Variants in CDH2 observed in about 807,000 individuals in gnomAD.
The protein encoded by CDH2 is cadherin 2.
A neutral mutation model predicts 92.0 loss-of-function variants in CDH2; 17 were observed. The observed-to-expected ratio is 0.18, with a 90% CI of 0.13 to 0.28. The LOEUF (loss-of-function observed/expected upper bound fraction) is 0.28, where lower values mean the gene tolerates loss of function less well. CDH2 is among the 10% of genes least tolerant of loss of function. CDH2 has a pLI of 1.00. For missense variants in CDH2, 862 were observed against 1,133.1 expected (o/e 0.76, Z 3.44); for synonymous variants, 419 against 415.9 (o/e 1.01, Z -0.09).
chr18:27,937,494 TTATGACATTAGGC>T (rs1419178316), intron 6 of CDH2, among the ~76,000 whole-genome samples: 1 of 152,236 alleles, frequency 6.6e-6, no homozygotes. Flanking sequence ...ATTGTTATTG[TTATGACATTAGGC>T]TAATTTATCC....
intron 6 of CDH2, 117 bp downstream of exon 6, chr18:28,005,732 A>C (rs2012897206): frequency 4.6e-6 from 3 of 653,944 alleles, no homozygotes; most frequent in Non-Finnish European, 7.3e-6. Flanking sequence ...AGCATTATGA[A>C]TGAAAGAAAA....
chr18:28,032,363 A>G (rs148376372), intron 2 of CDH2, among the ~76,000 whole-genome samples: 8 of 152,252 alleles, frequency 5.3e-5, no homozygotes, highest in African/African-American at 1.4e-4. Flanking sequence ...TGCTTCAACG[A>G]GAATGTGTGT....
intron 2 of CDH2, among the ~76,000 whole-genome samples, chr18:28,139,287 A>G (rs1296724128): frequency 5.9e-5 from 9 of 151,952 alleles, no homozygotes; most frequent in African/African-American, 2.2e-4. Flanking sequence ...CTTCTGCACC[A>G]TCACTTTTTC....
At chr18:28,055,609 G>A (rs1219909768) in intron 2 of CDH2, among the ~76,000 whole-genome samples, 1 of 152,072 alleles carries the variant, frequency 6.6e-6, no homozygotes, top group East Asian at 1.9e-4. Flanking sequence ...TTATATATGC[G>A]TGATATTTTT....
In CDH2 at chr18:28,003,023, T is replaced by C. The variant is rs764046987; in HGVS notation, c.994A>G (p.Thr332Ala). ...TINNETGDII[T>A]VAAGLDREKV... The stretch of plus-strand genomic sequence containing the variant: ...TCTCGATCAAGTCCAGCTGCCACTG[T>C]GATGATGTCACCAGTCTCATTGTTG... The change falls in exon 7 of 16, where the codon ACA becomes GCA. Residue 332 changes from threonine to alanine, a missense_variant. Thr to Ala is a moderately conservative substitution (Grantham distance 58). This residue lies in a region of CDH2 where 564 missense variants were observed against 722.2 expected (regional missense o/e 0.78). Transcript: ENST00000269141. 2.5e-6 allele frequency: 4 copies of C among 1,613,922 alleles called. No homozygotes were observed. The highest frequency in any genetic ancestry group is 3.4e-6 in the Non-Finnish European group (4 of 1,179,924).
chr18:28,068,952 A>G (rs1030120496), intron 2 of CDH2, among the ~76,000 whole-genome samples: 1 of 152,136 alleles, frequency 6.6e-6, no homozygotes, highest in Non-Finnish European at 1.5e-5. Context: ...CTCTTTTGCT[A>G]TTTTTGGAAA....
intron 2 of CDH2, among the ~76,000 whole-genome samples, chr18:28,138,604 T>G (rs2015902497): frequency 6.6e-6 from 1 of 152,102 alleles, no homozygotes; most frequent in Non-Finnish European, 1.5e-5. Context: ...GGAGCCAAGG[T>G]GATTATGTTC....
intron 2 of CDH2, among the ~76,000 whole-genome samples, chr18:28,051,875 A>G (rs1169407659): frequency 6.6e-6 from 1 of 152,190 alleles, no homozygotes; most frequent in Non-Finnish European, 1.5e-5. Flanking sequence ...CAAAATACAC[A>G]AAAAGAGAGA....
chr18:28,011,805 T>A lies in CDH2; in HGVS notation c.546+41A>T, dbSNP rs759614699. On this transcript the variant is annotated intron_variant, in intron 4 of 15. Transcript: ENST00000269141. ...GACAGAAATATTTTTAACATACATT[T>A]GTCTTGTGGTATGAAAACAGTTAAA... The A allele has an allele frequency of 5.1e-6, 8 of 1,579,638 alleles. No individual in the cohort carries two copies. In the Admixed American group the frequency reaches 1.3e-4, roughly 25 times the overall value.
intron 14 of CDH2, among the ~76,000 whole-genome samples, chr18:27,964,204 G>A (rs925450378): frequency 1.3e-5 from 2 of 152,218 alleles, no homozygotes; most frequent in Non-Finnish European, 2.9e-5. Flanking sequence ...AGACCAGAGA[G>A]AGGGTGGATT....
intron 1 of CDH2, among the ~76,000 whole-genome samples, chr18:28,170,183 C>T (rs1025408281): frequency 5.2e-4 from 79 of 152,278 alleles, no homozygotes; most frequent in African/African-American, 1.8e-3. Flanking sequence ...TTGTTCTAAA[C>T]CTAACTTGGA....
intron 2 of CDH2, among the ~76,000 whole-genome samples, chr18:28,026,449 G>T (rs1204430165): frequency 6.6e-6 from 1 of 152,114 alleles, no homozygotes; most frequent in Admixed American, 6.6e-5. Context: ...TGGGGAGTAG[G>T]TATAATTATA....
rs373880146 is a variant in CDH2 at position 28,156,318 on chromosome 18, TA to T, written c.61-8535del. Among the ~76,000 whole-genome samples the T allele has an allele frequency of 2.6e-4, 40 of 152,316 alleles. No individual in the cohort carries two copies. The South Asian group carries it at 8.1e-3, about 31-fold the overall frequency. On this transcript the variant is annotated intron_variant, in intron 1 of 15. Coordinates refer to ENST00000269141, the MANE Select transcript of CDH2 (RefSeq NM_001792.5). Reference sequence around the variant, plus strand: ...AAACTGTTGAAACTGAACTCTTAGCTAAAAGGCAGCCCCACAATACAAGAGT... The same window carrying T: ...AAACTGTTGAAACTGAACTCTTAGCTAAAGGCAGCCCCACAATACAAGAGT...
At chr18:28,134,582 T>G (rs562443483) in intron 2 of CDH2, among the ~76,000 whole-genome samples, 1 of 151,742 alleles carries the variant, frequency 6.6e-6, no homozygotes, top group South Asian at 2.1e-4. Context: ...TGGTGGTGCA[T>G]GCCTGTAGTC....
chr18:28,008,258 TC>T (rs2144024806), intron 5 of CDH2, among the ~76,000 whole-genome samples: 1 of 152,152 alleles, frequency 6.6e-6, no homozygotes, highest in South Asian at 2.1e-4. Context: ...AAAATAAGTT[TC>T]CTTATTAATG....
chr18:28,143,485 G>A (rs919710169), intron 2 of CDH2, among the ~76,000 whole-genome samples: 1 of 151,762 alleles, frequency 6.6e-6, no homozygotes, highest in African/African-American at 2.4e-5. Context: ...GTAAACAGGT[G>A]TGTACAAAAT....
At chr18:28,158,438 A>G (rs777849534) in intron 1 of CDH2, among the ~76,000 whole-genome samples, 8 of 152,204 alleles carry the variant, frequency 5.3e-5, no homozygotes, top group Non-Finnish European at 8.8e-5. Flanking sequence ...TTGTCCACCC[A>G]TGGATATCTT....
chr18:28,068,938 C>T (rs998278075), intron 2 of CDH2, among the ~76,000 whole-genome samples: 8 of 152,132 alleles, frequency 5.3e-5, no homozygotes, highest in African/African-American at 1.9e-4. Flanking sequence ...CATCTTTATT[C>T]TTTCTCTTTT....
intron 7 of CDH2, among the ~76,000 whole-genome samples, chr18:27,996,465 C>A (rs1333730323): frequency 6.6e-6 from 1 of 152,168 alleles, no homozygotes; most frequent in Non-Finnish European, 1.5e-5. Flanking sequence ...ATACCATTCC[C>A]TTCATTCCAA....
Sources: allele counts gnomAD v4.1 joint callset (sites outside exome capture counted in the v4.1 genomes callset), GRCh38; gene constraint gnomAD v4.1.1; regional missense constraint gnomAD v4.1.1; transcripts MANE v1.5; gene names NCBI Gene and HGNC (gene_info 2026-07-23, HGNC 2026-07-21).